CNBD1: variants seen among roughly 807,000 people sequenced by gnomAD.
CNBD1 encodes cyclic nucleotide binding domain containing 1.
A neutral mutation model predicts 54.4 loss-of-function variants in CNBD1; 71 were observed. The ratio of observed to expected loss-of-function variants is 1.30; its 90% CI spans 1.08 to 1.59. CNBD1 has a LOEUF of 1.59. CNBD1 is among the 40% of genes most tolerant of loss of function. The probability of loss-of-function intolerance (pLI) is 0.00; values close to 1 mark genes in which losing one functional copy is unlikely to be tolerated. For missense variants in CNBD1, 659 were observed against 518.0 expected (o/e 1.27, Z -2.64); for synonymous variants, 182 against 170.7 (o/e 1.07, Z -0.51).
chr8:87,255,791 CTTATTTTTT>C (rs1388084981), intron 6 of CNBD1, among the ~76,000 whole-genome samples: 1 of 150,404 alleles, frequency 6.6e-6, no homozygotes, highest in East Asian at 2.0e-4. Flanking sequence ...TCTCATTTTT[CTTATTTTTT>C]AAAATGACTA....
chr8:87,314,176 A>G (rs1809333090), intron 8 of CNBD1, among the ~76,000 whole-genome samples: 1 of 151,944 alleles, frequency 6.6e-6, no homozygotes, highest in African/African-American at 2.4e-5. Flanking sequence ...AAGATTATTT[A>G]TGGATCTAAA....
At position 86,875,521 on chromosome 8, in the gene CNBD1, T is replaced by A. The variant is rs898960522; in HGVS notation, c.88+8938T>A. The stretch of plus-strand genomic sequence containing the variant: ...GGGTTTCTGGTCTATGTACTTTTTT[T>A]AAATCTATATAATTACAATAATAGC... On this transcript the variant is annotated intron_variant, in intron 1 of 10. Transcript: ENST00000518476. Among the ~76,000 whole-genome samples, 22 of 152,374 alleles carry A rather than the reference T, an allele frequency of 1.4e-4. No homozygotes were observed. The East Asian group carries it at 2.7e-3, about 19-fold the overall frequency.
At chr8:87,239,824 T>G (rs1807656624) in intron 6 of CNBD1, among the ~76,000 whole-genome samples, 1 of 152,072 alleles carries the variant, frequency 6.6e-6, no homozygotes, top group African/African-American at 2.4e-5. Flanking sequence ...TTTTTTTTGC[T>G]TTTCTCAACA....
intron 10 of CNBD1, among the ~76,000 whole-genome samples, chr8:87,378,514 T>A (rs1810998827): frequency 6.6e-6 from 1 of 151,072 alleles, no homozygotes; most frequent in Non-Finnish European, 1.5e-5. Context: ...TTGATCTATA[T>A]CTCTGTTTTG....
In CNBD1 at chr8:86,946,476, G is replaced by T. The variant is rs7835523; in HGVS notation, c.431+6722G>T. ...TTCTTATAAAAATTATTTTTTCACT[G>T]TATAGATGTATTATTTCAGCATAGA... On this transcript the variant is annotated intron_variant, in intron 4 of 10. Transcript: ENST00000518476. 5.5e-3 allele frequency among the ~76,000 whole-genome samples: 837 copies of T among 152,064 alleles called. 8 individuals carry two copies. Among genetic ancestry groups the T allele is most frequent in the African/African-American group, 0.019 (782 of 41,518 alleles).
intron 4 of CNBD1, among the ~76,000 whole-genome samples, chr8:87,181,013 A>C (rs1813300410): frequency 6.6e-6 from 1 of 152,068 alleles, no homozygotes; most frequent in African/African-American, 2.4e-5. Flanking sequence ...TCCACTCTGC[A>C]ATCTGTCTAT....
At chr8:87,216,160 A>G (rs962556761) in intron 5 of CNBD1, among the ~76,000 whole-genome samples, 1 of 152,196 alleles carries the variant, frequency 6.6e-6, no homozygotes, top group Admixed American at 6.5e-5. Flanking sequence ...TTGGAGACCA[A>G]TGGACACCAA....
chr8:87,298,488 CTTTTT>C (rs11414234), intron 8 of CNBD1, among the ~76,000 whole-genome samples: 1 of 139,812 alleles, frequency 7.2e-6, no homozygotes, highest in African/African-American at 2.7e-5. Context: ...TTTTTTCCCT[CTTTTT>C]TTTTTTTTTG....
intron 2 of CNBD1, among the ~76,000 whole-genome samples, chr8:87,392,387 C>A (rs1187133463): frequency 6.6e-6 from 1 of 151,716 alleles, no homozygotes; most frequent in Admixed American, 6.6e-5. Flanking sequence ...TTCATAATAG[C>A]CAAAAATCAG....
chr8:87,313,070 AT>A (rs1196900790), intron 8 of CNBD1, among the ~76,000 whole-genome samples: 3 of 152,116 alleles, frequency 2.0e-5, no homozygotes, highest in South Asian at 4.1e-4. Flanking sequence ...GTTACTTAAT[AT>A]TAATCCACTC....
intron 8 of CNBD1, among the ~76,000 whole-genome samples, chr8:87,315,103 G>C (rs893612096): frequency 4.0e-5 from 6 of 151,632 alleles, no homozygotes; most frequent in African/African-American, 1.5e-4. Context: ...TTAGTGGACA[G>C]ATTAATTGAA....
At chr8:87,321,887 T>A (rs1472858655) in intron 8 of CNBD1, among the ~76,000 whole-genome samples, 1 of 150,264 alleles carries the variant, frequency 6.7e-6, no homozygotes, top group Non-Finnish European at 1.5e-5. Context: ...TGTGCCATGC[T>A]GGTGTGCTGC....
At chr8:87,070,412 A>C (rs532671573) in intron 4 of CNBD1, among the ~76,000 whole-genome samples, 1 of 152,222 alleles carries the variant, frequency 6.6e-6, no homozygotes, top group Non-Finnish European at 1.5e-5. Context: ...CGGATTGTTA[A>C]TTACAGATAA....
intron 4 of CNBD1, among the ~76,000 whole-genome samples, chr8:87,193,818 T>C (rs1813659125): frequency 6.6e-6 from 1 of 152,170 alleles, no homozygotes; most frequent in Non-Finnish European, 1.5e-5. Flanking sequence ...AATAAATAAA[T>C]AAAGAGAATG....
At chr8:87,419,810 A>AC (rs1807897872) in intron 2 of CNBD1, among the ~76,000 whole-genome samples, 1 of 151,786 alleles carries the variant, frequency 6.6e-6, no homozygotes, top group South Asian at 2.1e-4. Flanking sequence ...AAACATGTCA[A>AC]TCCCACACAA....
At chr8:87,319,499 A>G (rs577693981) in intron 8 of CNBD1, among the ~76,000 whole-genome samples, 3 of 152,194 alleles carry the variant, frequency 2.0e-5, no homozygotes, top group Admixed American at 2.0e-4. Context: ...ACCTATATGA[A>G]CTTTATTTGA....
chr8:86,970,659 CTATG>C (rs1318855030), intron 4 of CNBD1, among the ~76,000 whole-genome samples: 1 of 151,768 alleles, frequency 6.6e-6, no homozygotes, highest in Non-Finnish European at 1.5e-5. Context: ...CTTTAAGTTC[CTATG>C]TATGTAGTGT....
intron 4 of CNBD1, among the ~76,000 whole-genome samples, chr8:87,027,017 G>A (rs1809661976): frequency 6.6e-6 from 1 of 151,980 alleles, no homozygotes; most frequent in Non-Finnish European, 1.5e-5. Context: ...AAGCCACCTT[G>A]TTTGTTAAAA....
At chr8:87,281,715 A>AT (rs1808605946) in intron 6 of CNBD1, among the ~76,000 whole-genome samples, 1 of 150,104 alleles carries the variant, frequency 6.7e-6, no homozygotes, top group East Asian at 2.0e-4. Flanking sequence ...CACTGCATAC[A>AT]TTTTTTAGTT....
Sources: gnomAD v4.1 joint callset for allele counts (sites outside exome capture counted in the v4.1 genomes callset) on GRCh38, gnomAD v4.1.1 for gene constraint, MANE v1.5 for transcripts, NCBI Gene and HGNC (gene_info 2026-07-23, HGNC 2026-07-21) for gene names.